The following MACC1 variants were observed in gnomAD, a reference collection of about 807,000 sequenced individuals.
The protein encoded by MACC1 is MET transcriptional regulator MACC1.
MACC1 carries 79 observed loss-of-function variants against 70.7 expected under a neutral mutation model. The ratio of observed to expected loss-of-function variants is 1.12; its 90% CI spans 0.93 to 1.35. The LOEUF (loss-of-function observed/expected upper bound fraction) is 1.35, where lower values mean the gene tolerates loss of function less well. Ranked by LOEUF, MACC1 falls within the 40% of genes most tolerant of loss-of-function variation. The pLI is 0.00. For missense variants in MACC1, 1,106 were observed against 978.1 expected, an observed-to-expected ratio of 1.13 and a Z score of -1.74; for synonymous variants, 361 against 347.2, an observed-to-expected ratio of 1.04 and a Z score of -0.44.
chr7:20,160,239 T>C lies in MACC1; in HGVS notation c.122A>G (p.Gln41Arg). Residue 41 changes from glutamine (Q) to arginine (R), a missense_variant, in exon 5 of 7, where the codon CAG (glutamine) becomes CGG (arginine). Gln to Arg is a conservative substitution (Grantham distance 43). Coordinates refer to ENST00000400331, the MANE Select transcript of MACC1 (RefSeq NM_182762.4). ...LSKSCNITEC[Q>R]DPDLLHNWPD... The stretch of plus-strand genomic sequence containing the variant: ...CCAATTGTGAAGCAAGTCTGGGTCC[T>C]GGCATTCTTGTTATTTAAGGAAAGA... The C allele has an allele frequency of 6.5e-7, 1 of 1,546,774 alleles. No homozygotes were observed. The highest frequency in any genetic ancestry group is 8.7e-7 in the Non-Finnish European group (1 of 1,153,634).
intron 1 of MACC1, among the ~76,000 whole-genome samples, chr7:20,177,130 G>A (rs569064595): frequency 8.5e-5 from 13 of 152,118 alleles, no homozygotes; most frequent in Admixed American, 4.6e-4. Flanking sequence ...AGGGGAACTA[G>A]ATGGAAGGTA....
At chr7:20,215,918 AT>A (rs1254105931) in intron 1 of MACC1, among the ~76,000 whole-genome samples, 5 of 152,290 alleles carry the variant, frequency 3.3e-5, no homozygotes, top group Non-Finnish European at 2.9e-5. Flanking sequence ...AATAAATAAT[AT>A]TTTTGCTTTA....
Position 20,140,950 on chromosome 7 carries a change from A to G in MACC1, c.2555T>C (p.Val852Ala). ...TCAAAAACACACGCTTTGTTTCTAT[A>G]CTTCCTCAGAAGTGGAGAATGCAGT... Reference protein sequence around the residue: ...RVTAFSTSEEV With the variant: ...RVTAFSTSEEA The change falls in exon 7 of 7, where the codon GTA becomes GCA. Residue 852 changes from valine to alanine, a missense_variant. Coordinates refer to ENST00000400331, the MANE Select transcript of MACC1 (RefSeq NM_182762.4). 2 of 1,610,464 alleles carry G rather than the reference A, an allele frequency of 1.2e-6. No individual in the cohort carries two copies. The highest frequency in any genetic ancestry group is 1.7e-6 in the Non-Finnish European group (2 of 1,177,498).
At chr7:20,157,028 G>C (rs781464992) in intron 5 of MACC1, among the ~76,000 whole-genome samples, 22 of 152,064 alleles carry the variant, frequency 1.4e-4, no homozygotes, top group Non-Finnish European at 2.1e-4. Flanking sequence ...GTGGCTTTAC[G>C]CATGATTTTG....
At chr7:20,160,426 G>C (rs1782125149) in intron 4 of MACC1, among the ~76,000 whole-genome samples, 181 bp from the exon 5 acceptor site, 1 of 152,082 alleles carries the variant, frequency 6.6e-6, no homozygotes, top group East Asian at 1.9e-4. Context: ...TATGTAATGA[G>C]AGAAGAATAT....
intron 1 of MACC1, among the ~76,000 whole-genome samples, chr7:20,202,197 C>G (rs1019149672): frequency 1.3e-5 from 2 of 152,170 alleles, no homozygotes; most frequent in African/African-American, 4.8e-5. Context: ...AGTTATTTAG[C>G]AATTCATTAA....
chr7:20,216,598 A>G (rs1449140033), intron 1 of MACC1, among the ~76,000 whole-genome samples: 1 of 152,088 alleles, frequency 6.6e-6, no homozygotes, highest in Non-Finnish European at 1.5e-5. Context: ...TGAATCATCC[A>G]GTATTTGTCT....
intron 1 of MACC1, among the ~76,000 whole-genome samples, chr7:20,189,750 A>AACAC (rs72116191): frequency 1.3e-3 from 149 of 117,774 alleles, no homozygotes; most frequent in African/African-American, 3.3e-3. Flanking sequence ...CAAACACATA[A>AACAC]ACACACACAC....
rs79044893 is a variant in MACC1 at position 20,186,932 on chromosome 7, G to A, written c.-217-16154C>T. ...AGTAAGAAGAAATAACTTAAGACAT[G>A]GTACAAAACAAAATACATAGAATAA... On this transcript the variant is annotated intron_variant, in intron 1 of 6. Coordinates refer to ENST00000400331, the MANE Select transcript of MACC1 (RefSeq NM_182762.4). Among the ~76,000 whole-genome samples the A allele has an allele frequency of 8.5e-5, 13 of 152,100 alleles. No individual in the cohort carries two copies. In the East Asian group the frequency reaches 2.5e-3, roughly 29 times the overall value.
intron 1 of MACC1, chr7:20,198,513 T>G (rs1782786637): frequency 6.6e-6 from 1 of 152,232 alleles, no homozygotes; most frequent in South Asian, 2.1e-4. Context: ...AATGTAAACA[T>G]TTAAGGCTTA....
At chr7:20,206,832 A>G (rs1782916479) in intron 1 of MACC1, among the ~76,000 whole-genome samples, 1 of 152,154 alleles carries the variant, frequency 6.6e-6, no homozygotes, top group South Asian at 2.1e-4. Flanking sequence ...GGACATCCCC[A>G]TCCACCCAGT....
chr7:20,147,922 G>A (rs1466021952), intron 6 of MACC1, among the ~76,000 whole-genome samples: 1 of 152,110 alleles, frequency 6.6e-6, no homozygotes, highest in Non-Finnish European at 1.5e-5. Context: ...CATCATCACT[G>A]CCACCCATGC....
At chr7:20,200,138 C>A (rs1782811805) in intron 1 of MACC1, among the ~76,000 whole-genome samples, 1 of 151,586 alleles carries the variant, frequency 6.6e-6, no homozygotes, top group African/African-American at 2.4e-5. Context: ...TCACAATAAA[C>A]ACCTAGGAGT....
chr7:20,195,443 A>C (rs10254436), intron 1 of MACC1, among the ~76,000 whole-genome samples: 14,325 of 152,260 alleles, frequency 0.094, 717 homozygotes, highest in Non-Finnish European at 0.1. Flanking sequence ...AAGTTGAATA[A>C]ATTAAAGTAA....
intron 1 of MACC1, among the ~76,000 whole-genome samples, chr7:20,184,001 C>T (rs1782549610): frequency 6.6e-6 from 1 of 152,190 alleles, no homozygotes; most frequent in Non-Finnish European, 1.5e-5. Flanking sequence ...AGCCACCACA[C>T]CTGGCCCCTG....
chr7:20,193,057 G>T (rs1259070241), intron 1 of MACC1, among the ~76,000 whole-genome samples: 1 of 151,900 alleles, frequency 6.6e-6, no homozygotes, highest in Admixed American at 6.6e-5. Flanking sequence ...TAAACTTTAG[G>T]CCCCGCAAAA....
intron 1 of MACC1, among the ~76,000 whole-genome samples, chr7:20,204,241 G>A (rs932981068): frequency 4.0e-5 from 6 of 151,858 alleles, no homozygotes; most frequent in Non-Finnish European, 7.4e-5. Context: ...TGCAAACTCC[G>A]CCTCCCGGGT....
At chr7:20,154,967 A>T (rs1250368250) in intron 5 of MACC1, among the ~76,000 whole-genome samples, 1 of 151,718 alleles carries the variant, frequency 6.6e-6, no homozygotes, top group Non-Finnish European at 1.5e-5. Flanking sequence ...TAAAATATAT[A>T]TATATAAATT....
chr7:20,187,617 T>A (rs1021356530), intron 1 of MACC1, among the ~76,000 whole-genome samples: 1 of 152,196 alleles, frequency 6.6e-6, no homozygotes, highest in African/African-American at 2.4e-5. Flanking sequence ...CTTGGTGAAA[T>A]TGAACACTCT....
Sources: gnomAD v4.1 joint callset for allele counts (sites outside exome capture counted in the v4.1 genomes callset) on GRCh38, gnomAD v4.1.1 for gene constraint, MANE v1.5 for transcripts, NCBI Gene and HGNC (gene_info 2026-07-23, HGNC 2026-07-21) for gene names.